WWC1: variants seen among roughly 807,000 people sequenced by gnomAD.
WWC1 encodes protein KIBRA.
In WWC1, 55 loss-of-function variants were observed where a neutral mutation model predicts 138.4. The observed-to-expected ratio is 0.40, with a 90% CI of 0.32 to 0.50. The LOEUF is 0.50. Ranked by LOEUF, WWC1 falls within the 20% of genes least tolerant of loss-of-function variation. The probability of loss-of-function intolerance (pLI) is 0.72; values close to 1 mark genes in which losing one functional copy is unlikely to be tolerated. For synonymous variants in WWC1, 524 were observed against 564.9 expected (o/e 0.93, Z 1.03); for missense variants, 1,226 against 1,420.4 (o/e 0.86, Z 2.20).
intron 3 of WWC1, among the ~76,000 whole-genome samples, chr5:168,389,812 G>T (rs1345169738): frequency 6.6e-6 from 1 of 152,024 alleles, no homozygotes; most frequent in Non-Finnish European, 1.5e-5. Context: ...TGTGAGAGCT[G>T]TGTATTTTAG....
intron 1 of WWC1, among the ~76,000 whole-genome samples, chr5:168,299,123 C>T (rs1378069344): frequency 6.6e-6 from 1 of 152,194 alleles, no homozygotes; most frequent in Non-Finnish European, 1.5e-5. Context: ...AGATCACCAA[C>T]AGGTGTTGCA....
chr5:168,380,964 A>T (rs547340225), intron 2 of WWC1, among the ~76,000 whole-genome samples: 6 of 152,104 alleles, frequency 3.9e-5, no homozygotes, highest in Non-Finnish European at 7.4e-5. Context: ...GGGTGAGTAG[A>T]GGAAATTGCC....
chr5:168,415,846 GTGTGT>G (rs1780602635), intron 9 of WWC1: 1 of 133,410 alleles, frequency 7.5e-6, no homozygotes, highest in Non-Finnish European at 1.5e-5. Flanking sequence ...GTGTGTGTGT[GTGTGT>G]GGCATATGTG....
chr5:168,433,918 AAGACCTTTCCTGTCACAGTTAG>A (rs1782136535), intron 15 of WWC1, among the ~76,000 whole-genome samples: 1 of 152,252 alleles, frequency 6.6e-6, no homozygotes, highest in Non-Finnish European at 1.5e-5. Context: ...AAAGAGGTGA[AAGACCTTTCCTGTCACAGTTAG>A]GAAAGTGGCA....
chr5:168,429,415 C>T (rs1381714690), intron 13 of WWC1, among the ~76,000 whole-genome samples: 1 of 151,892 alleles, frequency 6.6e-6, no homozygotes, highest in Non-Finnish European at 1.5e-5. Flanking sequence ...TGTGCCACCA[C>T]GCCCGGCTAA....
intron 17 of WWC1, 39 bp downstream of exon 17, chr5:168,444,624 C>A: frequency 6.2e-7 from 1 of 1,606,850 alleles, no homozygotes; most frequent in South Asian, 1.1e-5. Flanking sequence ...AGCTGCCCTG[C>A]CTGGACCTAG....
At chr5:168,432,438 C>G (rs184037366) in intron 15 of WWC1, among the ~76,000 whole-genome samples, 2 of 152,302 alleles carry the variant, frequency 1.3e-5, no homozygotes, top group Middle Eastern at 3.4e-3. Flanking sequence ...CAAGTGCAGA[C>G]AGATACTCAG....
At chr5:168,465,604 G>A (rs1757224715) in intron 21 of WWC1, among the ~76,000 whole-genome samples, 1 of 121,834 alleles carries the variant, frequency 8.2e-6, no homozygotes, top group South Asian at 2.8e-4. Flanking sequence ...CTGTCGCCCG[G>A]GCTGGAGTGT....
chr5:168,418,663 C>T lies in WWC1; in HGVS notation c.1185-3345C>T, dbSNP rs377633691. ...CAACTCCCAGACCCCTCATCATCCT[C>T]TTGAGGCTTCACTGGGGACCCACAT... On this transcript the variant is annotated intron_variant, in intron 9 of 22. Transcript: ENST00000265293. Among the ~76,000 whole-genome samples the T allele has an allele frequency of 2.0e-5, 3 of 152,154 alleles. No individual in the cohort carries two copies. In the South Asian group the frequency reaches 6.2e-4, roughly 32 times the overall value.
chr5:168,467,603 C>T, intron 21 of WWC1: 2 of 521,524 alleles, frequency 3.8e-6, no homozygotes, highest in Admixed American at 3.4e-5. Context: ...ACAGGCAGCC[C>T]TCATCTCCTC....
intron 1 of WWC1, among the ~76,000 whole-genome samples, chr5:168,302,169 C>A (rs1318645519): frequency 6.6e-6 from 1 of 152,170 alleles, no homozygotes; most frequent in African/African-American, 2.4e-5. Context: ...ATATCATGTC[C>A]CCTCACTCAG....
chr5:168,381,511 T>A (rs1202220150), intron 2 of WWC1, among the ~76,000 whole-genome samples: 1 of 152,172 alleles, frequency 6.6e-6, no homozygotes, highest in Non-Finnish European at 1.5e-5. Flanking sequence ...ACACTGGAAT[T>A]ATTTGGGGAG....
chr5:168,443,941 A>G (rs1002776638), intron 16 of WWC1, among the ~76,000 whole-genome samples: 11 of 152,236 alleles, frequency 7.2e-5, no homozygotes, highest in East Asian at 5.8e-4. Context: ...CCTTTCTAGC[A>G]GTTATTAGAG....
chr5:168,439,024 C>T (rs1420916211), intron 15 of WWC1, among the ~76,000 whole-genome samples: 1 of 152,124 alleles, frequency 6.6e-6, no homozygotes, highest in Non-Finnish European at 1.5e-5. Context: ...ATTTCTTTTG[C>T]ATCTTTCCAT....
At chr5:168,362,515 C>G (rs1775956711) in intron 1 of WWC1, among the ~76,000 whole-genome samples, 1 of 152,184 alleles carries the variant, frequency 6.6e-6, no homozygotes, top group African/African-American at 2.4e-5. Context: ...CCAGACAGTG[C>G]CTGTCCCCAA....
chr5:168,428,014 T>C lies in WWC1; in HGVS notation c.1811-19T>C. 6.2e-7 allele frequency: 1 copy of C among 1,610,114 alleles called. No homozygotes were observed. The highest frequency in any genetic ancestry group is 8.5e-7 in the Non-Finnish European group (1 of 1,177,168). On this transcript the variant is annotated intron_variant, in intron 11 of 22. Transcript: ENST00000265293. ...AGTTTCCTGGTTCCTGAACCTGCCTTTCCATTTTCCTTCCCTAGCTGTGAA... is the reference window on the plus strand; with the variant it reads ...AGTTTCCTGGTTCCTGAACCTGCCTCTCCATTTTCCTTCCCTAGCTGTGAA...
intron 1 of WWC1, among the ~76,000 whole-genome samples, chr5:168,298,843 G>A (rs1190918683): frequency 6.6e-6 from 1 of 152,142 alleles, no homozygotes; most frequent in Non-Finnish European, 1.5e-5. Flanking sequence ...CAGCACTTTG[G>A]GAGGTCGAGG....
rs770424988 is a variant in WWC1 at position 168,404,023 on chromosome 5, AGAGC to A, written c.591-2174_591-2171del. On this transcript the variant is annotated intron_variant, in intron 5 of 22. Coordinates refer to ENST00000265293, the MANE Select transcript of WWC1 (RefSeq NM_015238.3). Reference sequence around the variant, plus strand: ...CTTCATCCCAATAGTGTTCCCTCTCAGAGCCGCTCTCTGGAGCCAAATTCCAGAG... The same window carrying A: ...CTTCATCCCAATAGTGTTCCCTCTCACGCTCTCTGGAGCCAAATTCCAGAG... Among the ~76,000 whole-genome samples, 638 of 151,834 alleles carry A rather than the reference AGAGC, an allele frequency of 4.2e-3. 7 individuals are homozygous for A. Among genetic ancestry groups the A allele is most frequent in the Non-Finnish European group, 6.9e-3 (467 of 67,936 alleles).
At chr5:168,316,098 A>G (rs1212126384) in intron 1 of WWC1, among the ~76,000 whole-genome samples, 1 of 152,146 alleles carries the variant, frequency 6.6e-6, no homozygotes, top group Non-Finnish European at 1.5e-5. Flanking sequence ...GAAGAATAGA[A>G]CTATTGGACC....
Sources: allele counts gnomAD v4.1 joint callset (sites outside exome capture counted in the v4.1 genomes callset), GRCh38; gene constraint gnomAD v4.1.1; transcripts MANE v1.5; gene names NCBI Gene and HGNC (gene_info 2026-07-23, HGNC 2026-07-21).